The following COL19A1 variants were observed in gnomAD, a reference collection of about 807,000 sequenced individuals.
COL19A1 encodes the protein collagen type XIX alpha 1 chain, also known as collagen alpha-1(XIX) chain.
Under a neutral mutation model 190.2 loss-of-function variants are expected in COL19A1, and 159 were observed. The ratio of observed to expected loss-of-function variants is 0.84; its 90% CI spans 0.73 to 0.95. COL19A1 has a LOEUF of 0.95. Among genes scored for constraint, COL19A1 ranks in the 40% least tolerant of loss-of-function variants. The pLI is 0.00. For missense variants in COL19A1, 1,418 were observed against 1,431.9 expected, an observed-to-expected ratio of 0.99 and a Z score of 0.16; for synonymous variants, 509 against 458.9, an observed-to-expected ratio of 1.11 and a Z score of -1.39.
chr6:70,188,542 G>C (rs1366988999), intron 47 of COL19A1, among the ~76,000 whole-genome samples: 1 of 152,122 alleles, frequency 6.6e-6, no homozygotes, highest in African/African-American at 2.4e-5. Flanking sequence ...TTATTAAGTG[G>C]GTCAGACCCA....
chr6:70,050,511 A>G (rs191452337), intron 14 of COL19A1, among the ~76,000 whole-genome samples: 302 of 152,214 alleles, frequency 2.0e-3, no homozygotes, highest in Non-Finnish European at 2.6e-3. Context: ...TTGATGTAGT[A>G]TAGGTACTCA....
chr6:69,916,638 C>T (rs961498908), intron 4 of COL19A1, among the ~76,000 whole-genome samples: 6 of 151,972 alleles, frequency 3.9e-5, no homozygotes, highest in African/African-American at 1.2e-4. Flanking sequence ...TGCTTGGAGC[C>T]CAAAATATGA....
intron 7 of COL19A1, among the ~76,000 whole-genome samples, 165 bp downstream of exon 7, chr6:69,933,028 C>T (rs1460368920): frequency 6.6e-6 from 1 of 152,024 alleles, no homozygotes. Context: ...CTCATGGTTA[C>T]TTTCAACAGT....
rs1038548863 is a variant in COL19A1, at chr6:70,079,633, G to A, written c.1224+11157G>A. ...GATAGGAAATTCTTCAGAGGTATCG[G>A]AGGATGGAGGTTGAGAAAAAGCCAT... On this transcript the variant is annotated intron_variant, in intron 15 of 50. Transcript: ENST00000620364. 5.9e-5 allele frequency among the ~76,000 whole-genome samples: 9 copies of A among 152,298 alleles called. 1 individual carries two copies. In the South Asian group the frequency reaches 1.7e-3, roughly 28 times the overall value.
chr6:70,188,658 C>T (rs1766675978), intron 47 of COL19A1, among the ~76,000 whole-genome samples: 1 of 151,868 alleles, frequency 6.6e-6, no homozygotes, highest in Non-Finnish European at 1.5e-5. Context: ...TGCTATGAAA[C>T]ATGTCCATTT....
At chr6:70,096,868 G>A (rs967424548) in intron 15 of COL19A1, among the ~76,000 whole-genome samples, 1 of 152,100 alleles carries the variant, frequency 6.6e-6, no homozygotes, top group Non-Finnish European at 1.5e-5. Flanking sequence ...ACTGAATCCA[G>A]AACTCTGAAC....
intron 11 of COL19A1, among the ~76,000 whole-genome samples, chr6:69,965,086 T>G (rs1338143047): frequency 6.6e-6 from 1 of 152,204 alleles, no homozygotes; most frequent in Non-Finnish European, 1.5e-5. Flanking sequence ...ACTCACAACA[T>G]AATTTATTTT....
intron 15 of COL19A1, among the ~76,000 whole-genome samples, chr6:70,100,760 G>A (rs955308076): frequency 1.3e-5 from 2 of 151,850 alleles, no homozygotes; most frequent in African/African-American, 4.8e-5. Context: ...TTACAGTTGT[G>A]AGCCACCATG....
At chr6:69,893,488 C>A (rs925742814) in intron 2 of COL19A1, among the ~76,000 whole-genome samples, 1 of 152,128 alleles carries the variant, frequency 6.6e-6, no homozygotes, top group Non-Finnish European at 1.5e-5. Context: ...TGCCCAGATT[C>A]CTTTCTAAGG....
chr6:70,130,088 G>A, intron 17 of COL19A1, 94 bp from the exon 18 acceptor site: 1 of 1,371,260 alleles, frequency 7.3e-7, no homozygotes, highest in Non-Finnish European at 1.0e-6. Flanking sequence ...AGCGGTTACA[G>A]AACTATTATC....
intron 14 of COL19A1, among the ~76,000 whole-genome samples, chr6:70,063,366 T>C (rs1780966228): frequency 6.6e-6 from 1 of 152,142 alleles, no homozygotes; most frequent in African/African-American, 2.4e-5. Context: ...CTGAACAACC[T>C]GCTCCTGAAT....
intron 14 of COL19A1, among the ~76,000 whole-genome samples, chr6:70,043,425 C>T (rs1562114034): frequency 6.6e-6 from 1 of 152,126 alleles, no homozygotes; most frequent in Non-Finnish European, 1.5e-5. Context: ...ATCTCCTGAC[C>T]TCGTGATCTG....
At position 70,140,904 on chromosome 6, in the gene COL19A1, G is replaced by T. The variant is rs199853536; in HGVS notation, c.1447-50G>T. On this transcript the variant is annotated intron_variant, in intron 19 of 50. Coordinates refer to ENST00000620364, the MANE Select transcript of COL19A1 (RefSeq NM_001858.6). ...GGGTTTATCCACACCCCGGTTTGGAGAGTTTATTTCTAAGAGCGTTTAATT... is the reference window on the plus strand; with the variant it reads ...GGGTTTATCCACACCCCGGTTTGGATAGTTTATTTCTAAGAGCGTTTAATT... 2,100 of 1,584,784 alleles carry T rather than the reference G, an allele frequency of 1.3e-3. 4 individuals carry two copies. The highest frequency in any genetic ancestry group is 1.7e-3 in the Non-Finnish European group (2,002 of 1,154,524).
chr6:70,055,115 T>A (rs1411328727), intron 14 of COL19A1, among the ~76,000 whole-genome samples: 2 of 152,182 alleles, frequency 1.3e-5, no homozygotes, highest in Admixed American at 1.3e-4. Context: ...TTTAAACATA[T>A]GAAATAGACC....
chr6:70,116,679 A>G (rs1784599425), intron 16 of COL19A1, among the ~76,000 whole-genome samples: 2 of 152,118 alleles, frequency 1.3e-5, no homozygotes, highest in Admixed American at 1.3e-4. Context: ...AGGGAAAAAT[A>G]ATTACTGATC....
intron 2 of COL19A1, among the ~76,000 whole-genome samples, chr6:69,889,394 A>G (rs537734806): frequency 6.6e-6 from 1 of 151,906 alleles, no homozygotes; most frequent in Non-Finnish European, 1.5e-5. Context: ...TTCTCTTTTT[A>G]TCTCACTCAC....
chr6:70,156,067 C>T, intron 31 of COL19A1, 60 bp from the exon 32 acceptor site: 1 of 1,482,192 alleles, frequency 6.7e-7, no homozygotes, highest in East Asian at 2.4e-5. Flanking sequence ...TCACATGAAA[C>T]CTCACCTTTA....
chr6:70,025,974 G>C (rs78492893), intron 12 of COL19A1, among the ~76,000 whole-genome samples: 1 of 152,032 alleles, frequency 6.6e-6, no homozygotes, highest in African/African-American at 2.4e-5. Flanking sequence ...GAGAAATGTA[G>C]GAGTGTTCAA....
At chr6:70,161,697 A>T (rs1402099124) in intron 34 of COL19A1, among the ~76,000 whole-genome samples, 1 of 152,144 alleles carries the variant, frequency 6.6e-6, no homozygotes, top group Non-Finnish European at 1.5e-5. Context: ...CATAACCGAA[A>T]ATCACTTGCA....
Sources: allele counts gnomAD v4.1 joint callset (sites outside exome capture counted in the v4.1 genomes callset), GRCh38; gene constraint gnomAD v4.1.1; transcripts MANE v1.5; gene names NCBI Gene and HGNC (gene_info 2026-07-23, HGNC 2026-07-21).